Variants in NTRK3 observed in about 807,000 individuals in gnomAD.
The protein encoded by NTRK3 is neurotrophic receptor tyrosine kinase 3.
A neutral mutation model predicts 91.7 loss-of-function variants in NTRK3; 24 were observed. The observed-to-expected ratio is 0.26, with a 90% CI of 0.19 to 0.37. NTRK3 has a LOEUF of 0.37. Ranked by LOEUF, NTRK3 falls within the 10% of genes least tolerant of loss-of-function variation. NTRK3 has a pLI of 1.00. For synonymous variants in NTRK3, 483 were observed against 404.0 expected (o/e 1.20, Z -2.34); for missense variants, 880 against 1,068.9 (o/e 0.82, Z 2.46).
At chr15:88,105,373 T>G (rs1427790240) in intron 13 of NTRK3, among the ~76,000 whole-genome samples, 2 of 152,154 alleles carry the variant, frequency 1.3e-5, no homozygotes, top group African/African-American at 2.4e-5. Context: ...TAAAGAGTCA[T>G]GGATGGTTGG....
At chr15:87,879,151 T>C (rs2065104836) in intron 18 of NTRK3, among the ~76,000 whole-genome samples, 2 of 152,166 alleles carry the variant, frequency 1.3e-5, no homozygotes, top group Non-Finnish European at 2.9e-5. Context: ...TTTTCAGTCT[T>C]TGTAATTCAC....
chr15:87,945,514 G>T (rs2070372130), intron 14 of NTRK3, among the ~76,000 whole-genome samples: 1 of 152,264 alleles, frequency 6.6e-6, no homozygotes, highest in African/African-American at 2.4e-5. Context: ...GTCACCTCTG[G>T]ACAGAAAATC....
chr15:88,127,136 C>T (rs906399135), intron 12 of NTRK3, 26 bp downstream of exon 12: 21 of 1,599,562 alleles, frequency 1.3e-5, no homozygotes, highest in Non-Finnish European at 1.7e-5. Context: ...AGTCAACACA[C>T]TCCTCTTGAC....
chr15:88,069,861 C>T (rs1342654616), intron 13 of NTRK3, among the ~76,000 whole-genome samples: 2 of 152,078 alleles, frequency 1.3e-5, no homozygotes, highest in Admixed American at 6.5e-5. Context: ...TCTCAGGCCC[C>T]GAACAGCCCA....
chr15:88,061,284 A>C (rs189431563), intron 13 of NTRK3, among the ~76,000 whole-genome samples: 15 of 152,332 alleles, frequency 9.8e-5, no homozygotes, highest in Non-Finnish European at 2.1e-4. Context: ...CAACAGGAAA[A>C]GAGTACGGTC....
chr15:88,119,636 G>A (rs917384064), intron 13 of NTRK3, among the ~76,000 whole-genome samples: 18 of 152,108 alleles, frequency 1.2e-4, no homozygotes, highest in African/African-American at 4.3e-4. Flanking sequence ...AAGGGCCAAA[G>A]GTACCCTCCT....
exon 19 of NTRK3, chr15:87,861,610 G>A: frequency 5.2e-6 from 1 of 194,104 alleles, no homozygotes; most frequent in East Asian, 8.1e-5. Flanking sequence ...TTCACTTAGG[G>A]AAGGGAAAAA....
chr15:88,198,281 C>T (rs1431334018), intron 3 of NTRK3, among the ~76,000 whole-genome samples: 2 of 152,140 alleles, frequency 1.3e-5, no homozygotes, highest in Non-Finnish European at 2.9e-5. Flanking sequence ...CTCCTCCTCT[C>T]ATAACCCAGC....
chr15:88,190,848 A>G (rs574339471), intron 3 of NTRK3, among the ~76,000 whole-genome samples: 7 of 152,252 alleles, frequency 4.6e-5, no homozygotes, highest in Non-Finnish European at 1.0e-4. Context: ...CTGTGGATGC[A>G]TGGCACTAGT....
intron 5 of NTRK3, 30 bp from the exon 6 acceptor site, chr15:88,147,433 T>A: frequency 1.3e-6 from 2 of 1,596,116 alleles, no homozygotes; most frequent in African/African-American, 2.7e-5. Context: ...AGGGAAATTT[T>A]AAAACAAGTC....
At chr15:87,866,424 T>G (rs2064679763) in exon 19 of NTRK3, 1 of 168,620 alleles carries the variant, frequency 5.9e-6, no homozygotes, top group Non-Finnish European at 1.3e-5. Context: ...TACATATATA[T>G]GTAAATATAT....
chr15:88,183,488 T>C, exon 5 of NTRK3: 1 of 1,613,960 alleles, frequency 6.2e-7, no homozygotes, highest in Non-Finnish European at 8.5e-7. Flanking sequence ...TTCTTGATGG[T>C]CCTAGACAGA....
Position 88,237,394 on chromosome 15 carries a change from C to G in NTRK3, c.248+18512G>C, listed in dbSNP as rs2099067535. On this transcript the variant is annotated intron_variant, in intron 3 of 18. Coordinates refer to ENST00000394480, the Ensembl canonical transcript of NTRK3. This position sits in a 1 kb window ranked among gnomAD's most constrained non-coding sequence, Gnocchi z 4.0. ...TGGGAAGTTCTTTCTTACTGCTAAA[C>G]CACATCCCCAGAGCTGAAGGTCCCA... 6.6e-6 allele frequency among the ~76,000 whole-genome samples: 1 copy of G among 152,184 alleles called. No homozygotes were observed. Among genetic ancestry groups the G allele is most frequent in the African/African-American group, 2.4e-5 (1 of 41,438 alleles).
At chr15:87,895,878 G>C (rs2066091850) in intron 17 of NTRK3, among the ~76,000 whole-genome samples, 2 of 149,778 alleles carry the variant, frequency 1.3e-5, no homozygotes, top group South Asian at 4.2e-4. Context: ...ATCTTAACCT[G>C]AACATTCCTT....
intron 13 of NTRK3, 38 bp downstream of exon 13, chr15:88,126,233 C>T: frequency 2.9e-6 from 4 of 1,400,016 alleles, no homozygotes; most frequent in Non-Finnish European, 4.1e-6. Flanking sequence ...GTAATGTTTC[C>T]CCCCATGACG....
chr15:88,098,200 A>G (rs912228138), intron 13 of NTRK3, among the ~76,000 whole-genome samples: 4 of 152,220 alleles, frequency 2.6e-5, no homozygotes, highest in African/African-American at 9.7e-5. Context: ...CGGGGTTTAT[A>G]AAGAGTAAAT....
chr15:88,111,146 T>G (rs1267461032), intron 13 of NTRK3, among the ~76,000 whole-genome samples: 1 of 152,094 alleles, frequency 6.6e-6, no homozygotes, highest in East Asian at 1.9e-4. Context: ...CGGGCATGGT[T>G]TGGGGCTCAA....
chr15:88,180,895 G>T (rs908198539), intron 5 of NTRK3, among the ~76,000 whole-genome samples: 1 of 152,138 alleles, frequency 6.6e-6, no homozygotes, highest in Non-Finnish European at 1.5e-5. Flanking sequence ...TTGGGAATTT[G>T]GTGTGTGTCT....
chr15:88,142,891 G>C (rs1476930205), intron 6 of NTRK3, among the ~76,000 whole-genome samples: 1 of 152,160 alleles, frequency 6.6e-6, no homozygotes. Flanking sequence ...CTCGATTTCA[G>C]GTGGGCCTTA....
Sources: gnomAD v4.1 joint callset for allele counts (sites outside exome capture counted in the v4.1 genomes callset) on GRCh38, gnomAD v4.1.1 for gene constraint, Gnocchi (gnomAD v3.1) non-coding constraint, MANE v1.5 for transcripts, NCBI Gene and HGNC (gene_info 2026-07-23, HGNC 2026-07-21) for gene names.